The following HCRTR2 variants were observed in gnomAD, a reference collection of about 807,000 sequenced individuals.
The protein encoded by HCRTR2 is orexin receptor type 2.
In HCRTR2, 22 loss-of-function variants were observed where a neutral mutation model predicts 49.0. The ratio of observed to expected loss-of-function variants is 0.45; its 90% CI spans 0.32 to 0.64. HCRTR2 has a LOEUF of 0.64. HCRTR2 is among the 30% of genes least tolerant of loss of function. HCRTR2 has a pLI of 0.04. For missense variants in HCRTR2, 491 were observed against 559.4 expected (o/e 0.88, Z 1.23); for synonymous variants, 236 against 205.3 (o/e 1.15, Z -1.28).
At chr6:55,252,124 T>C (rs1766561893) in intron 2 of HCRTR2, among the ~76,000 whole-genome samples, 1 of 152,128 alleles carries the variant, frequency 6.6e-6, no homozygotes, top group African/African-American at 2.4e-5. Flanking sequence ...GCAAATATAG[T>C]AGGTCAAACA....
chr6:55,132,332 C>G (rs544808685), intron 1 of HCRTR2, among the ~76,000 whole-genome samples: 1 of 151,744 alleles, frequency 6.6e-6, no homozygotes, highest in African/African-American at 2.4e-5. Flanking sequence ...AGGTTTTAGC[C>G]TTGATTAACT....
chr6:55,234,420 G>A (rs62416790), intron 1 of HCRTR2, among the ~76,000 whole-genome samples: 27,565 of 152,042 alleles, frequency 0.18, 2,867 homozygotes, highest in Non-Finnish European at 0.24. Flanking sequence ...TTTAAAATAC[G>A]ATAAGAAGAG....
At chr6:55,149,078 C>A (rs1764630596) in intron 1 of HCRTR2, among the ~76,000 whole-genome samples, 1 of 151,970 alleles carries the variant, frequency 6.6e-6, no homozygotes, top group African/African-American at 2.4e-5. Context: ...TTAGTGTGAA[C>A]ATAGCCAGAG....
At chr6:55,280,894 T>A (rs756972792) in intron 6 of HCRTR2, among the ~76,000 whole-genome samples, 1 of 152,176 alleles carries the variant, frequency 6.6e-6, no homozygotes, top group Non-Finnish European at 1.5e-5. Flanking sequence ...CTTGGATTTA[T>A]CTCAATATTT....
At chr6:55,121,094 T>C (rs1378803373) in intron 1 of HCRTR2, among the ~76,000 whole-genome samples, 1 of 152,152 alleles carries the variant, frequency 6.6e-6, no homozygotes, top group Non-Finnish European at 1.5e-5. Context: ...ATATTGATTC[T>C]TCCTATCCAT....
chr6:55,263,960 A>AT (rs1378522774), intron 4 of HCRTR2, 138 bp downstream of exon 4: 2 of 684,728 alleles, frequency 2.9e-6, no homozygotes, highest in Non-Finnish European at 5.3e-6. Context: ...TTGAACCAAT[A>AT]TAACATGTTC....
intron 1 of HCRTR2, among the ~76,000 whole-genome samples, chr6:55,200,634 AT>A (rs1765497028): frequency 6.6e-6 from 1 of 152,120 alleles, no homozygotes. Context: ...GAGTCCATAT[AT>A]CTTTTTACAC....
chr6:55,251,644 C>A (rs1285483154), intron 2 of HCRTR2, among the ~76,000 whole-genome samples: 5 of 151,950 alleles, frequency 3.3e-5, no homozygotes, highest in African/African-American at 1.2e-4. Flanking sequence ...TACTTTGAAA[C>A]CTTTCTACCT....
chr6:55,259,372 T>C (rs1446789599), intron 3 of HCRTR2, among the ~76,000 whole-genome samples: 1 of 152,108 alleles, frequency 6.6e-6, no homozygotes, highest in African/African-American at 2.4e-5. Flanking sequence ...GTAAAACATA[T>C]TAAAGATTCA....
At chr6:55,209,947 C>G (rs1334744724) in intron 1 of HCRTR2, among the ~76,000 whole-genome samples, 1 of 152,084 alleles carries the variant, frequency 6.6e-6, no homozygotes, top group Non-Finnish European at 1.5e-5. Flanking sequence ...AAGTGAGCTC[C>G]TGCATAGAGC....
intron 1 of HCRTR2, among the ~76,000 whole-genome samples, chr6:55,154,929 A>G (rs1764711114): frequency 6.6e-6 from 1 of 151,800 alleles, no homozygotes; most frequent in Admixed American, 6.6e-5. Flanking sequence ...AATTCTATAT[A>G]ATAGCAACAA....
intron 1 of HCRTR2, among the ~76,000 whole-genome samples, chr6:55,200,786 T>A (rs958860642): frequency 7.0e-4 from 107 of 152,330 alleles, no homozygotes; most frequent in Non-Finnish European, 1.3e-3. Context: ...ATTCTCTAAA[T>A]CTTATTTTGT....
chr6:55,234,937 G>A (rs1766186446), intron 1 of HCRTR2, among the ~76,000 whole-genome samples: 1 of 152,068 alleles, frequency 6.6e-6, no homozygotes, highest in African/African-American at 2.4e-5. Flanking sequence ...GAATTAGAAT[G>A]AACCAAAATT....
chr6:55,106,901 T>G (rs1763982656), intron 1 of HCRTR2, among the ~76,000 whole-genome samples: 1 of 152,150 alleles, frequency 6.6e-6, no homozygotes, highest in Admixed American at 6.5e-5. Flanking sequence ...GTGTTTAGCT[T>G]GTTTATTGAA....
chr6:55,186,695 A>C (rs2127275806), intron 1 of HCRTR2, among the ~76,000 whole-genome samples: 1 of 152,336 alleles, frequency 6.6e-6, no homozygotes, highest in East Asian at 1.9e-4. Flanking sequence ...GTTTTTATAA[A>C]AGTCTAAGCA....
intron 1 of HCRTR2, among the ~76,000 whole-genome samples, chr6:55,153,662 T>C (rs9370391): frequency 0.99 from 150,232 of 152,010 alleles, 74,272 homozygotes; most frequent in Middle Eastern, 1. Flanking sequence ...TCTCTAGCTG[T>C]GTTCTTATGA....
At chr6:55,276,221 G>A (rs3800539) in intron 4 of HCRTR2, among the ~76,000 whole-genome samples, 29,012 of 152,112 alleles carry the variant, frequency 0.19, 3,221 homozygotes, top group East Asian at 0.27. Flanking sequence ...TAATTTATCC[G>A]ATATTTTCCA....
chr6:55,202,337 A>G (rs1046687069), intron 1 of HCRTR2, among the ~76,000 whole-genome samples: 3 of 152,204 alleles, frequency 2.0e-5, no homozygotes, highest in African/African-American at 7.2e-5. Flanking sequence ...AACATTTATC[A>G]ACTACCTGTA....
chr6:55,282,709 A>G (rs1403601367), downstream of HCRTR2: 3 of 357,720 alleles, frequency 8.4e-6, no homozygotes, highest in Non-Finnish European at 1.4e-5. Context: ...CATGTATTAA[A>G]ATGTGTCAAT....
Sources: gnomAD v4.1 joint callset for allele counts (sites outside exome capture counted in the v4.1 genomes callset) on GRCh38, gnomAD v4.1.1 for gene constraint, MANE v1.5 for transcripts, NCBI Gene and HGNC (gene_info 2026-07-23, HGNC 2026-07-21) for gene names.